The following RHPN2 variants were observed in gnomAD, a reference collection of about 807,000 sequenced individuals.
RHPN2 encodes the protein rhophilin Rho GTPase binding protein 2, also known as rhophilin-2.
A neutral mutation model predicts 79.0 loss-of-function variants in RHPN2; 40 were observed. That is an observed-to-expected ratio of 0.51 (90% CI 0.39 to 0.66). The LOEUF is 0.66. Among genes scored for constraint, RHPN2 ranks in the 30% least tolerant of loss-of-function variants. The probability of loss-of-function intolerance (pLI) is 0.00; values close to 1 mark genes in which losing one functional copy is unlikely to be tolerated. For missense variants in RHPN2, 686 were observed against 883.5 expected, an observed-to-expected ratio of 0.78 and a Z score of 2.83; for synonymous variants, 285 against 363.5, an observed-to-expected ratio of 0.78 and a Z score of 2.46.
intron 3 of RHPN2, 32 bp from the exon 4 acceptor site, chr19:33,021,678 A>G (rs751337849): frequency 1.3e-6 from 2 of 1,568,828 alleles, no homozygotes; most frequent in Non-Finnish European, 1.8e-6. Flanking sequence ...ATGTATGAAC[A>G]CCCCCAACCG....
chr19:33,056,953 CA>C (rs754855820), intron 1 of RHPN2, among the ~76,000 whole-genome samples: 3,159 of 114,380 alleles, frequency 0.028, 94 homozygotes, highest in African/African-American at 0.083. Context: ...AATAAAAATA[CA>C]AAAAAAAAAA....
At chr19:33,043,152 A>G (rs1179879804) in intron 2 of RHPN2, among the ~76,000 whole-genome samples, 1 of 147,348 alleles carries the variant, frequency 6.8e-6, no homozygotes, top group African/African-American at 2.5e-5. Flanking sequence ...TGTTAGGAGG[A>G]TTGCTTGAAG....
chr19:33,021,474 A>C (rs992369606), intron 4 of RHPN2, 97 bp downstream of exon 4: 3 of 991,166 alleles, frequency 3.0e-6, no homozygotes, highest in Admixed American at 3.6e-5. Context: ...CTCTTGCCTC[A>C]GCCTCCCAAG....
chr19:33,041,386 T>C (rs1490038761), intron 2 of RHPN2, among the ~76,000 whole-genome samples: 2 of 152,192 alleles, frequency 1.3e-5, no homozygotes, highest in Non-Finnish European at 2.9e-5. Context: ...AAATGCCCTA[T>C]TTGTTTTCGG....
intron 3 of RHPN2, among the ~76,000 whole-genome samples, chr19:33,026,295 C>T (rs17841839): frequency 0.088 from 13,293 of 151,846 alleles, 719 homozygotes; most frequent in South Asian, 0.23. Flanking sequence ...GCCTTTTTGT[C>T]CAACACTGCA....
At chr19:33,063,659 T>C (rs1053039968) in intron 1 of RHPN2, among the ~76,000 whole-genome samples, 1 of 152,220 alleles carries the variant, frequency 6.6e-6, no homozygotes, top group Non-Finnish European at 1.5e-5. Context: ...CAAAGCATCT[T>C]TGTAGCCCAG....
At chr19:32,988,200 AAAC>A (rs71176177) in intron 14 of RHPN2, among the ~76,000 whole-genome samples, 10 of 143,052 alleles carry the variant, frequency 7.0e-5, no homozygotes, top group African/African-American at 2.0e-4. Flanking sequence ...CCTGTCTCAA[AAAC>A]AACAACAACA....
In RHPN2 at chr19:33,021,642, C is replaced by T. The variant is rs759098209; in HGVS notation, c.319G>A (p.Ala107Thr). 3.1e-6 allele frequency: 5 copies of T among 1,613,372 alleles called. No homozygotes were observed. In the South Asian group the frequency reaches 3.3e-5, roughly 11 times the overall value. ...AGAGGAATCAGGGGAATCGTAAATGCCTCCCTATGAGGAACACAACAAGGT... is the reference window on the plus strand; with the variant it reads ...AGAGGAATCAGGGGAATCGTAAATGTCTCCCTATGAGGAACACAACAAGGT... ...SVGVYQNTEEAFTIPLIPLGL... is the reference protein window; with the variant it reads ...SVGVYQNTEETFTIPLIPLGL... The change falls in exon 4 of 15, where the codon GCA becomes ACA. Residue 107 changes from alanine (A) to threonine (T), a missense_variant. Coordinates refer to ENST00000254260, the MANE Select transcript of RHPN2 (RefSeq NM_033103.5).
chr19:33,058,726 G>C (rs551591700), intron 1 of RHPN2, among the ~76,000 whole-genome samples: 3 of 152,284 alleles, frequency 2.0e-5, no homozygotes, highest in East Asian at 3.9e-4. Flanking sequence ...GTTGCAGTGA[G>C]CCAAGATCCC....
chr19:32,982,970 G>A (rs571674969), intron 14 of RHPN2, among the ~76,000 whole-genome samples: 3 of 150,724 alleles, frequency 2.0e-5, no homozygotes, highest in Admixed American at 6.7e-5. Flanking sequence ...TATACTTCAT[G>A]GCATCCGTCC....
At chr19:33,025,703 C>A (rs1386968905) in intron 3 of RHPN2, among the ~76,000 whole-genome samples, 3 of 152,170 alleles carry the variant, frequency 2.0e-5, no homozygotes, top group Admixed American at 1.3e-4. Flanking sequence ...TGTTCCTTGG[C>A]AAATAAATGA....
At chr19:33,045,705 C>T (rs1052638001) in intron 1 of RHPN2, among the ~76,000 whole-genome samples, 2 of 152,164 alleles carry the variant, frequency 1.3e-5, no homozygotes, top group Admixed American at 6.6e-5. Context: ...AACTCCTAAC[C>T]TCAAGTGATC....
In RHPN2 at chr19:33,020,329, C is replaced by CTTT. The variant is rs71340522; in HGVS notation, c.390+1239_390+1241dup. Among the ~76,000 whole-genome samples the CTTT allele has an allele frequency of 1.2e-3, 165 of 139,416 alleles. 1 individual carries two copies. The highest frequency in any genetic ancestry group is 3.8e-3 in the Middle Eastern group (1 of 264). 91.5% of individuals were successfully genotyped at this position (139,416 alleles called of 152,430 possible). ...TGATAATAGCCATTACTTTCGTTCTCTTTTTTTTTTTTTTTTGAGACACAG... is the reference window on the plus strand; with the variant it reads ...TGATAATAGCCATTACTTTCGTTCTCTTTTTTTTTTTTTTTTTTTGAGACACAG... On this transcript the variant is annotated intron_variant, in intron 4 of 14. Coordinates refer to ENST00000254260, the MANE Select transcript of RHPN2 (RefSeq NM_033103.5).
At position 33,012,717 on chromosome 19, in the gene RHPN2, A is replaced by G; in HGVS notation, c.398T>C (p.Ile133Thr). The change falls in exon 5 of 15, where the codon ATC becomes ACC. Residue 133 changes from isoleucine (I) to threonine (T), a missense_variant. Ile to Thr is a moderately conservative substitution (Grantham distance 89). Coordinates refer to ENST00000254260, the MANE Select transcript of RHPN2 (RefSeq NM_033103.5). ...VDFAVVLKDF[I>T]LEHYSEDGYL... is the part of the protein sequence containing the mutation. ...GCCATCTTCACTGTAATGTTCCAGGATAAAATCCTTAAAGAAAAATGAGGT... is the reference window on the plus strand; with the variant it reads ...GCCATCTTCACTGTAATGTTCCAGGGTAAAATCCTTAAAGAAAAATGAGGT... 1 of 1,588,442 alleles carries G rather than the reference A, an allele frequency of 6.3e-7. No individual in the cohort carries two copies. Among genetic ancestry groups the G allele is most frequent in the Non-Finnish European group, 8.6e-7 (1 of 1,156,562 alleles).
At chr19:33,042,818 C>A (rs565195424) in intron 2 of RHPN2, among the ~76,000 whole-genome samples, 1 of 152,262 alleles carries the variant, frequency 6.6e-6, no homozygotes, top group Non-Finnish European at 1.5e-5. Context: ...CAGTGGCTCA[C>A]GCCTGTAATC....
At chr19:33,042,517 T>C (rs1407723901) in intron 2 of RHPN2, among the ~76,000 whole-genome samples, 3 of 152,128 alleles carry the variant, frequency 2.0e-5, no homozygotes, top group African/African-American at 7.2e-5. Flanking sequence ...GCTACAGTAT[T>C]TTTCCCAGCC....
At chr19:33,034,623 A>AAAAC (rs1972041212) in intron 2 of RHPN2, among the ~76,000 whole-genome samples, 1 of 149,316 alleles carries the variant, frequency 6.7e-6, no homozygotes, top group Non-Finnish European at 1.5e-5. Flanking sequence ...AAAAAAAAAA[A>AAAAC]TACAAAAGTT....
intron 12 of RHPN2, among the ~76,000 whole-genome samples, chr19:32,992,592 C>G (rs1046761689): frequency 6.6e-6 from 1 of 152,072 alleles, no homozygotes; most frequent in Non-Finnish European, 1.5e-5. Context: ...AAGGATCGCT[C>G]GAGGCCAGGG....
intron 6 of RHPN2, 68 bp from the exon 7 acceptor site, chr19:33,008,248 T>TTA: frequency 2.0e-5 from 30 of 1,464,736 alleles, no homozygotes; most frequent in Non-Finnish European, 2.5e-5. Context: ...GTGGAAAAAA[T>TTA]TCTTTTTTTT....
Sources: gnomAD v4.1 joint callset for allele counts (sites outside exome capture counted in the v4.1 genomes callset) on GRCh38, gnomAD v4.1.1 for gene constraint, MANE v1.5 for transcripts, NCBI Gene and HGNC (gene_info 2026-07-23, HGNC 2026-07-21) for gene names.